The following MTM1 variants were observed in gnomAD, a reference collection of about 807,000 sequenced individuals.
MTM1 encodes myotubularin.
MTM1 carries 9 observed loss-of-function variants against 52.1 expected under a neutral mutation model. The ratio of observed to expected loss-of-function variants is 0.17; its 90% CI spans 0.10 to 0.30. The LOEUF (loss-of-function observed/expected upper bound fraction) is 0.30. MTM1 is among the 10% of genes least tolerant of loss of function. The probability of loss-of-function intolerance (pLI) is 1.00; values close to 1 mark genes in which losing one functional copy is unlikely to be tolerated. For synonymous variants in MTM1, 136 were observed against 163.8 expected (o/e 0.83, Z 1.29); for missense variants, 277 against 470.7 (o/e 0.59, Z 3.81).
chrX:150,608,117 G>A (rs1276042811), intron 4 of MTM1, among the ~76,000 whole-genome samples: 2 of 111,650 alleles, frequency 1.8e-5, no homozygotes, highest in African/African-American at 3.3e-5. Flanking sequence ...GGCTGAGTTG[G>A]GGGAGAATGG....
chrX:150,640,083 A>C (rs782413145), intron 7 of MTM1, among the ~76,000 whole-genome samples: 47 of 111,712 alleles, frequency 4.2e-4, no homozygotes, highest in Non-Finnish European at 7.9e-4. Flanking sequence ...AAGGCTTTGC[A>C]CTACTCCCAT....
At chrX:150,565,597 C>T (rs782655318), upstream of MTM1, among the ~76,000 whole-genome samples, 2 of 110,809 alleles carry the variant, frequency 1.8e-5, no homozygotes, top group Non-Finnish European at 1.9e-5. Flanking sequence ...GCCATTTCCT[C>T]GCTCGGGCCT....
chrX:150,592,020 A>G (rs1470784679), intron 1 of MTM1, among the ~76,000 whole-genome samples: 1 of 112,492 alleles, frequency 8.9e-6, no homozygotes, highest in Non-Finnish European at 1.9e-5. Flanking sequence ...TTATGCCTGA[A>G]TTGTGATGAA....
rs935600837 is a variant in MTM1 at position 150,582,869 on chromosome X, T to G, written c.-10-9736T>G. On this transcript the variant is annotated intron_variant, in intron 1 of 14. Transcript: ENST00000370396. ...AGGCCATCCAGTTTGTGGGACTTCT[T>G]TACAGCAGCCCCAGGACACCAATAG... Among the ~76,000 whole-genome samples the G allele has an allele frequency of 2.3e-4, 24 of 106,009 alleles. 1 individual carries two copies. Among genetic ancestry groups the G allele is most frequent in the Non-Finnish European group, 4.4e-4 (23 of 51,960 alleles). 92.1% of individuals were successfully genotyped at this position (106,009 alleles called of 115,157 possible). A position where few individuals can be genotyped will look rare whatever the true frequency, so the allele number is the denominator to read the frequency against.
chrX:150,638,796 TG>T, intron 6 of MTM1, 146 bp from the exon 7 acceptor site: 1 of 448,030 alleles, frequency 2.2e-6, no homozygotes, highest in South Asian at 3.3e-5. Flanking sequence ...TGTTTTTTTT[TG>T]TTGTTGTTGT....
chrX:150,583,219 AT>A (rs1359869129), intron 1 of MTM1, among the ~76,000 whole-genome samples: 3 of 67,526 alleles, frequency 4.4e-5, no homozygotes, highest in African/African-American at 1.9e-4. Context: ...ATATATAAAA[AT>A]TATATAAATT....
In MTM1 at chrX:150,602,169, G is replaced by A. The variant is rs1306371055; in HGVS notation, c.231+3483G>A. On this transcript the variant is annotated intron_variant, in intron 4 of 14. Transcript: ENST00000370396. ...GCTAAACTTTTAATATGTCTTTTCT[G>A]TGTTTAATTTTTCTCTTGAGTGCTT... Among the ~76,000 whole-genome samples the A allele has an allele frequency of 1.6e-4, 18 of 111,918 alleles. No individual in the cohort carries two copies. The Admixed American group carries it at 1.7e-3, about 11-fold the overall frequency.
intron 4 of MTM1, among the ~76,000 whole-genome samples, chrX:150,610,322 G>A (rs1349666549): frequency 9.0e-6 from 1 of 111,062 alleles, no homozygotes; most frequent in Admixed American, 9.6e-5. Flanking sequence ...AACTCCATGT[G>A]GGCAACTCTG....
chrX:150,646,342 G>A (rs190340428), intron 9 of MTM1, among the ~76,000 whole-genome samples: 48 of 113,047 alleles, frequency 4.2e-4, no homozygotes, highest in African/African-American at 1.5e-3. Flanking sequence ...GTAGGTCCAC[G>A]TATGTGAGTT....
At chrX:150,602,617 C>T (rs1488427148) in intron 4 of MTM1, among the ~76,000 whole-genome samples, 2 of 111,763 alleles carry the variant, frequency 1.8e-5, no homozygotes, top group East Asian at 5.6e-4. Context: ...TTGAGAAATC[C>T]CATAGCTACC....
chrX:150,633,760 C>T (rs1024391550), intron 6 of MTM1, among the ~76,000 whole-genome samples: 2 of 112,040 alleles, frequency 1.8e-5, no homozygotes, highest in Non-Finnish European at 3.8e-5. Flanking sequence ...GGCCAGATGC[C>T]GTGGCTCACG....
chrX:150,591,533 TTGAC>T (rs1220002661), intron 1 of MTM1, among the ~76,000 whole-genome samples: 2 of 112,888 alleles, frequency 1.8e-5, no homozygotes, highest in African/African-American at 3.2e-5. Flanking sequence ...GTCACCTTTC[TTGAC>T]TATTTCTTAA....
chrX:150,668,832 G>A (rs1202174304), intron 14 of MTM1, among the ~76,000 whole-genome samples: 6 of 112,020 alleles, frequency 5.4e-5, no homozygotes, highest in African/African-American at 9.7e-5. Flanking sequence ...ACAGTAGAAA[G>A]CAGGATGGTT....
At chrX:150,661,902 AAAT>A (rs1361196290) in intron 13 of MTM1, among the ~76,000 whole-genome samples, 1 of 112,152 alleles carries the variant, frequency 8.9e-6, no homozygotes, top group African/African-American at 3.2e-5. Context: ...AAATTTGCTA[AAAT>A]AATAGATCTC....
intron 6 of MTM1, among the ~76,000 whole-genome samples, chrX:150,622,956 A>T (rs782523139): frequency 8.9e-6 from 1 of 111,947 alleles, no homozygotes; most frequent in African/African-American, 3.3e-5. Flanking sequence ...GTGGTTCTTA[A>T]GTCATTTGAA....
intron 4 of MTM1, among the ~76,000 whole-genome samples, chrX:150,608,825 TG>T (rs2039219500): frequency 1.6e-4 from 17 of 109,476 alleles, no homozygotes; most frequent in South Asian, 4.0e-4. Context: ...ATGATGATGA[TG>T]ATGATTATTA....
At chrX:150,577,191 A>C (rs782080062) in intron 1 of MTM1, among the ~76,000 whole-genome samples, 1 of 112,188 alleles carries the variant, frequency 8.9e-6, no homozygotes, top group Non-Finnish European at 1.9e-5. Context: ...TATGGTTATA[A>C]TGTAATTTAT....
At chrX:150,647,199 A>ATG (rs2039946712) in intron 9 of MTM1, among the ~76,000 whole-genome samples, 1 of 40,716 alleles carries the variant, frequency 2.5e-5, no homozygotes, top group Admixed American at 2.3e-4. Context: ...GGGTGAATAT[A>ATG]TATATATATA....
the MTM1 span, among the ~76,000 whole-genome samples, chrX:150,562,664 C>G: frequency 9.0e-6 from 1 of 111,698 alleles, no homozygotes; most frequent in East Asian, 2.8e-4. Context: ...AGACAAAGAA[C>G]CTGGGTTTCT....
Sources: allele counts gnomAD v4.1 joint callset (sites outside exome capture counted in the v4.1 genomes callset), GRCh38; gene constraint gnomAD v4.1.1; transcripts MANE v1.5; gene names NCBI Gene and HGNC (gene_info 2026-07-23, HGNC 2026-07-21).